Variants in ABCA2 observed in about 807,000 individuals in gnomAD.
The protein encoded by ABCA2 is ATP-binding cassette sub-family A member 2.
In ABCA2, 84 loss-of-function variants were observed where a neutral mutation model predicts 262.8. That is an observed-to-expected ratio of 0.32 (90% CI 0.27 to 0.38). The LOEUF (loss-of-function observed/expected upper bound fraction) is 0.38. ABCA2 is among the 10% of genes least tolerant of loss of function. The pLI is 1.00. For synonymous variants in ABCA2, 1,696 were observed against 1,502.9 expected, an observed-to-expected ratio of 1.13 and a Z score of -2.97; for missense variants, 2,662 against 3,405.9, an observed-to-expected ratio of 0.78 and a Z score of 5.44.
At chr9:137,022,307 G>C (rs767572274) in intron 6 of ABCA2, 44 bp downstream of exon 6, 4 of 1,551,500 alleles carry the variant, frequency 2.6e-6, no homozygotes, top group Non-Finnish European at 3.5e-6. Flanking sequence ...GGCGTGGCTG[G>C]GGCAGAAGGG....
Position 137,017,924 on chromosome 9 carries a change from C to T in ABCA2, c.2097-23G>A, listed in dbSNP as rs959666424. The T allele has an allele frequency of 4.3e-6, 7 of 1,611,938 alleles. No individual in the cohort carries two copies. In the East Asian group the frequency reaches 6.7e-5, roughly 15 times the overall value. On this transcript the variant is annotated intron_variant, in intron 15 of 48. Coordinates refer to ENST00000341511, the MANE Select transcript of ABCA2 (RefSeq NM_001606.5). ...AAGCTGCGGGGAGGCCGCGCTCAGG[C>T]GCCACTCAGCCCCAGCCCCAGCCCC... is the stretch of plus-strand genomic sequence containing the variant.
intron 45 of ABCA2, 41 bp downstream of exon 45, chr9:137,009,329 C>CGG: frequency 9.0e-5 from 94 of 1,049,816 alleles, no homozygotes; most frequent in Middle Eastern, 3.1e-4. Context: ...CCGCCCCCCC[C>CGG]GGGCCCGCCC....
Position 137,018,314 on chromosome 9 carries a change from C to T in ABCA2, c.1857G>A (p.Pro619=). The T allele has an allele frequency of 2.8e-6, 4 of 1,437,268 alleles. No individual in the cohort carries two copies. The highest frequency in any genetic ancestry group is 3.7e-6 in the Non-Finnish European group (4 of 1,076,628). 89.0% of individuals were successfully genotyped at this position (1,437,268 alleles called of 1,614,324 possible). Residue 619 remains proline (P), a synonymous_variant, in exon 14 of 49, where the codon CCG becomes CCA. Transcript: ENST00000341511. ...GGCGGATCTTGTAGTGCACGTGAGG[C>T]GGGAGCGAGCCGTCCTTCCGGGTCT... The part of the protein sequence containing the change: ...IFQTRKDGSL[P]PHVHYKIRQN...
At position 137,010,888 on chromosome 9, in the gene ABCA2, C is replaced by CCCCACCCCCGT. The variant is rs1831014079; in HGVS notation, c.6056+84_6056+85insACGGGGGTGGG. The CCCCACCCCCGT allele has an allele frequency of 9.4e-6, 4 of 425,586 alleles. No individual in the cohort carries two copies. The African/African-American group carries it at 9.5e-5, about 10-fold the overall frequency. The allele number at this position is 425,586 out of a possible 1,614,324, so 26.4% of individuals were successfully genotyped here. ...CTCACCCCCTCCTGCCCCATCCCTG[C>CCCCACCCCCGT]CCCCACCCCCGCCCCTACCCTGCCC... On this transcript the variant is annotated intron_variant, in intron 39 of 48. Coordinates refer to ENST00000341511, the MANE Select transcript of ABCA2 (RefSeq NM_001606.5).
In ABCA2 at chr9:137,028,198, G is replaced by A. The variant is rs1027357794; in HGVS notation, c.-58C>T. The A allele has an allele frequency of 8.3e-4, 809 of 977,130 alleles. 1 individual carries two copies. The highest frequency in any genetic ancestry group is 9.3e-4 in the Non-Finnish European group (766 of 825,454). 60.5% of individuals were successfully genotyped at this position (977,130 alleles called of 1,614,324 possible). On this transcript the variant is annotated 5_prime_UTR_variant, in exon 1 of 49. Transcript: ENST00000341511. The surrounding 1 kb of genome is among the most constrained non-coding windows in gnomAD (Gnocchi z 6.9). The stretch of plus-strand genomic sequence containing the variant: ...GGCCCGCTCCTCTGCGCGCCCCGCC[G>A]GGCCCCGCAGCCCGCCGCGCCGCTG...
chr9:137,019,970 C>T lies in ABCA2; in HGVS notation c.1425+366G>A. The T allele has an allele frequency of 3.7e-6, 1 of 267,930 alleles. No individual in the cohort carries two copies. The highest frequency in any genetic ancestry group is 7.3e-6 in the Non-Finnish European group (1 of 137,458). The allele number at this position is 267,930 out of a possible 1,614,324, so 16.6% of individuals were successfully genotyped here. A position where few individuals can be genotyped will look rare whatever the true frequency, so the allele number is the denominator to read the frequency against. The stretch of plus-strand genomic sequence containing the variant: ...TCCCAGGCCAATGTCCAGCCCTGGC[C>T]TCTGCTTGTTCCAGACAGGACCCCT... On this transcript the variant is annotated intron_variant, in intron 10 of 48. Coordinates refer to ENST00000341511, the MANE Select transcript of ABCA2 (RefSeq NM_001606.5). This position sits in a 1 kb window ranked among gnomAD's most constrained non-coding sequence, Gnocchi z 4.4.
rs1831042586 is a variant in ABCA2 at position 137,011,470 on chromosome 9, A to G, written c.5736T>C (p.Asn1912=). The G allele has an allele frequency of 6.2e-7, 1 of 1,610,470 alleles. No individual in the cohort carries two copies. Among genetic ancestry groups the G allele is most frequent in the East Asian group, 2.2e-5 (1 of 44,796 alleles). The change falls in exon 37 of 49, where the codon AAT becomes AAC. Residue 1912 remains asparagine (N), a synonymous_variant. Transcript: ENST00000341511. This position sits in a 1 kb window ranked among gnomAD's most constrained non-coding sequence, Gnocchi z 8.8. ...SSAYVFLIVI[N]LFIGITATVA... is the part of the protein sequence containing the mutation. Reference sequence around the variant, plus strand: ...CGGTGGCGGTGATGCCGATGAAGAGATTGATGACAATGAGGAACACGTAGG... The same window carrying G: ...CGGTGGCGGTGATGCCGATGAAGAGGTTGATGACAATGAGGAACACGTAGG...
intron 16 of ABCA2, 28 bp downstream of exon 16, chr9:137,017,759 C>T: frequency 6.2e-7 from 1 of 1,611,070 alleles, no homozygotes; most frequent in South Asian, 1.1e-5. Flanking sequence ...CCAGCCCGCG[C>T]CTCCAGGGAG....
intron 1 of ABCA2, among the ~76,000 whole-genome samples, chr9:137,026,232 C>G (rs948439538): frequency 1.3e-5 from 2 of 152,194 alleles, no homozygotes; most frequent in African/African-American, 2.4e-5. Flanking sequence ...TTGGAGGAGC[C>G]TGCTAGCAGC....
At chr9:137,014,111 C>T (rs1046851160) in intron 27 of ABCA2, 57 bp downstream of exon 27, 62 of 1,589,098 alleles carry the variant, frequency 3.9e-5, no homozygotes, top group Admixed American at 5.2e-5. Context: ...TCATGCCGCT[C>T]CCCCGCAACC....
In ABCA2 at chr9:137,010,007, C is replaced by G. The variant is rs772474988; in HGVS notation, c.6471G>C (p.Gly2157=). The part of the protein sequence containing the change: ...EHLQLYTRLR[G]ISWKDEARVV... ...CCCGGGCCTCGTCCTTCCAGGAGAT[C>G]CCACGCAGCCGCGTGTACAGCTGCA... is the stretch of plus-strand genomic sequence containing the variant. The change falls in exon 42 of 49, where the codon GGG becomes GGC. Residue 2157 remains glycine (G), a synonymous_variant. Transcript: ENST00000341511. The G allele has an allele frequency of 2.5e-6, 4 of 1,598,004 alleles. No individual in the cohort carries two copies. Among genetic ancestry groups the G allele is most frequent in the Admixed American group, 3.4e-5 (2 of 58,404 alleles).
chr9:137,016,980 G>A lies in ABCA2; in HGVS notation c.2698C>T (p.Leu900=), dbSNP rs1343551298. The A allele has an allele frequency of 6.2e-7, 1 of 1,612,808 alleles. No homozygotes were observed. The highest frequency in any genetic ancestry group is 1.7e-5 in the Admixed American group (1 of 60,024). The part of the protein sequence containing the change: ...DFNLLLAVTM[L]MVDAVVYGIL... ...CCATAGACCACGGCGTCCACCATCA[G>A]CATGGTGACAGCCAGGAGCAAGTTG... The change falls in exon 19 of 49, where the codon CTG becomes TTG. Residue 900 remains leucine, a synonymous_variant. Transcript: ENST00000341511.
chr9:137,016,873 G>T (rs1031015419), intron 19 of ABCA2, 47 bp downstream of exon 19: 1 of 1,598,980 alleles, frequency 6.3e-7, no homozygotes, highest in African/African-American at 1.3e-5. Context: ...CCCAACCCTG[G>T]CTGGGGACCC....
In ABCA2 at chr9:137,008,766, C is replaced by T; in HGVS notation, c.7033G>A (p.Glu2345Lys). ...GTGGTCTGGCTGACCGAGTAGTCCT[C>T]GATGCCCAGCACGCCAGACACCTGC... The part of the protein sequence containing the change: ...MEQVSGVLGI[E>K]DYSVSQTTLD... The change falls in exon 47 of 49, where the codon GAG becomes AAG. Residue 2345 changes from glutamate (E) to lysine (K), a missense_variant. By Grantham distance (56) the Glu-to-Lys change is moderately conservative (BLOSUM62 1). Coordinates refer to ENST00000341511, the MANE Select transcript of ABCA2 (RefSeq NM_001606.5). 4 of 1,592,196 alleles carry T rather than the reference C, an allele frequency of 2.5e-6. No homozygotes were observed. The highest frequency in any genetic ancestry group is 3.4e-6 in the Non-Finnish European group (4 of 1,171,016).
chr9:137,017,370 A>AC (rs768382711), intron 17 of ABCA2, 24 bp from the exon 18 acceptor site: 1 of 1,610,666 alleles, frequency 6.2e-7, no homozygotes, highest in East Asian at 2.2e-5. Context: ...GGCCACGCGC[A>AC]CCGTCATCCA....
In ABCA2 at chr9:137,012,988, C is replaced by A; in HGVS notation, c.4867+14G>T. On this transcript the variant is annotated intron_variant, in intron 30 of 48. Coordinates refer to ENST00000341511, the MANE Select transcript of ABCA2 (RefSeq NM_001606.5). ...ACTGCCCCTGCCCCCCCAGCAGGCC[C>A]CCTGAACCACTACCTGGCCCAGCGG... The A allele has an allele frequency of 6.7e-7, 1 of 1,487,654 alleles. No homozygotes were observed. Among genetic ancestry groups the A allele is most frequent in the Non-Finnish European group, 9.0e-7 (1 of 1,116,604 alleles). 92.2% of individuals were successfully genotyped at this position (1,487,654 alleles called of 1,614,324 possible). A position where few individuals can be genotyped will look rare whatever the true frequency, so the allele number is the denominator to read the frequency against.
rs369767533 is a variant in ABCA2, at chr9:137,015,355, A to G, written c.3697+59T>C. 26 of 1,497,118 alleles carry G rather than the reference A, an allele frequency of 1.7e-5. No individual in the cohort carries two copies. The East Asian group carries it at 2.5e-4, about 14-fold the overall frequency. 92.7% of individuals were successfully genotyped at this position (1,497,118 alleles called of 1,614,324 possible). ...CCCAGCCTCTCCATTGTGGATTCTCAGGTGGGGGTCCCGGGGAGAAGGTGG... is the reference window on the plus strand; with the variant it reads ...CCCAGCCTCTCCATTGTGGATTCTCGGGTGGGGGTCCCGGGGAGAAGGTGG... On this transcript the variant is annotated intron_variant, in intron 24 of 48. Coordinates refer to ENST00000341511, the MANE Select transcript of ABCA2 (RefSeq NM_001606.5).
In ABCA2 at chr9:137,021,563, C is replaced by T. The variant is rs775916169; in HGVS notation, c.726G>A (p.Pro242=). The change falls in exon 8 of 49, where the codon CCG becomes CCA. Residue 242 remains proline (P), a synonymous_variant. Coordinates refer to ENST00000341511, the MANE Select transcript of ABCA2 (RefSeq NM_001606.5). This position sits in a 1 kb window ranked among gnomAD's most constrained non-coding sequence, Gnocchi z 6.0. Reference sequence around the variant, plus strand: ...GGATCCGGCCCAGCTCCCCCGAGCCCGGCGTGCAGGTGAGCTGCTCCAGGA... The same window carrying T: ...GGATCCGGCCCAGCTCCCCCGAGCCTGGCGTGCAGGTGAGCTGCTCCAGGA... ...PALLEQLTCT[P]GSGELGRILT... 1.5e-5 allele frequency: 24 copies of T among 1,578,898 alleles called. No individual in the cohort carries two copies. Among genetic ancestry groups the T allele is most frequent in the Admixed American group, 3.7e-5 (2 of 54,480 alleles).
Position 137,016,480 on chromosome 9 carries a change from G to A in ABCA2, c.2924-9C>T. Reference sequence around the variant, plus strand: ...CATGCCACGGGTCTCCTCTGCACCAGGGCTGTGGATCAGCAGGGTGGGGGC... The same window carrying A: ...CATGCCACGGGTCTCCTCTGCACCAAGGCTGTGGATCAGCAGGGTGGGGGC... On this transcript the variant is annotated splice_polypyrimidine_tract_variant and intron_variant, in intron 20 of 48. Coordinates refer to ENST00000341511, the MANE Select transcript of ABCA2 (RefSeq NM_001606.5). 1 of 1,612,712 alleles carries A rather than the reference G, an allele frequency of 6.2e-7. No individual in the cohort carries two copies. The highest frequency in any genetic ancestry group is 2.2e-5 in the East Asian group (1 of 44,876).
Sources: allele counts gnomAD v4.1 joint callset (sites outside exome capture counted in the v4.1 genomes callset), GRCh38; gene constraint gnomAD v4.1.1; non-coding constraint Gnocchi (gnomAD v3.1); transcripts MANE v1.5; gene names NCBI Gene and HGNC (gene_info 2026-07-23, HGNC 2026-07-21).